C10orf90: variants seen among roughly 807,000 people sequenced by gnomAD.
The protein encoded by C10orf90 is (E2-independent) E3 ubiquitin-conjugating enzyme FATS.
Under a neutral mutation model 62.5 loss-of-function variants are expected in C10orf90, and 56 were observed. The observed-to-expected ratio is 0.90, with a 90% confidence interval of 0.72 to 1.12. C10orf90 has a LOEUF of 1.12. C10orf90 is among the 50% of genes most tolerant of loss of function. C10orf90 has a pLI of 0.00. For missense variants in C10orf90, 970 were observed against 880.4 expected (o/e 1.10, Z -1.29); for synonymous variants, 386 against 340.4 (o/e 1.13, Z -1.47).
Position 126,504,977 on chromosome 10 carries a change from C to T in C10orf90, c.514G>A (p.Ala172Thr), listed in dbSNP as rs777421950. The T allele has an allele frequency of 1.7e-5, 27 of 1,614,244 alleles. No homozygotes were observed. The highest frequency in any genetic ancestry group is 3.3e-4 in the Middle Eastern group (2 of 6,062). ...ENRASLPLPC[A>T]IAQSRAHHAK... Reference sequence around the variant, plus strand: ...TGATGTGCACGAGACTGAGCAATGGCACACGGTAGGGGCAAGGAGGCCCTG... The same window carrying T: ...TGATGTGCACGAGACTGAGCAATGGTACACGGTAGGGGCAAGGAGGCCCTG... Residue 172 changes from alanine (A) to threonine (T), a missense_variant, in exon 4 of 10, where the codon GCC (alanine) becomes ACC (threonine). By Grantham distance (58) the Ala-to-Thr change is moderately conservative. Transcript: ENST00000488181. This position sits in a 1 kb window ranked among gnomAD's most constrained non-coding sequence, Gnocchi z 4.1.
chr10:126,496,797 G>T, intron 4 of C10orf90: 2 of 798,310 alleles, frequency 2.5e-6, no homozygotes, highest in Non-Finnish European at 3.0e-6. Flanking sequence ...GGCTTTGTTG[G>T]GTCATCAACG....
intron 2 of C10orf90, among the ~76,000 whole-genome samples, chr10:126,612,039 G>A (rs766674494): frequency 4.6e-5 from 7 of 152,112 alleles, no homozygotes; most frequent in Admixed American, 2.6e-4. Flanking sequence ...CTCAAGAGTC[G>A]GCCAGACGCT....
At chr10:126,508,733 C>A (rs1291037720) in intron 3 of C10orf90, among the ~76,000 whole-genome samples, 1 of 152,156 alleles carries the variant, frequency 6.6e-6, no homozygotes, top group Non-Finnish European at 1.5e-5. Flanking sequence ...CCTTTGGCTG[C>A]CACAGCTGCT....
At position 126,476,484 on chromosome 10, in the gene C10orf90, C is replaced by G. The variant is rs150248700; in HGVS notation, c.1535-11498G>C. Among the ~76,000 whole-genome samples the G allele has an allele frequency of 3.0e-3, 462 of 152,282 alleles. 2 individuals are homozygous for G. Among genetic ancestry groups the G allele is most frequent in the Non-Finnish European group, 4.8e-3 (328 of 68,022 alleles). On this transcript the variant is annotated intron_variant, in intron 4 of 9. Transcript: ENST00000488181. ...CAAAGGAGCCCGCGTCAGTGCAGGC[C>G]AGGCCGCAGGCAGGATGCAAGGAAG...
Position 126,627,000 on chromosome 10 carries a change from C to CTTTTTTT in C10orf90, c.313+19558_313+19564dup, listed in dbSNP as rs61226052. Among the ~76,000 whole-genome samples the CTTTTTTT allele has an allele frequency of 4.2e-4, 50 of 119,490 alleles. 4 individuals carry two copies. Among genetic ancestry groups the CTTTTTTT allele is most frequent in the African/African-American group, 9.1e-4 (29 of 31,864 alleles). The allele number at this position is 119,490 out of a possible 152,430, so 78.4% of individuals were successfully genotyped here. Reference sequence around the variant, plus strand: ...AGATTTTTCTTTTTCTTTTTCTTTTCTTTTTTTTTTTTTTTTTGAGACGTA... The same window carrying CTTTTTTT: ...AGATTTTTCTTTTTCTTTTTCTTTTCTTTTTTTTTTTTTTTTTTTTTTTTGAGACGTA... On this transcript the variant is annotated intron_variant, in intron 2 of 9. Transcript: ENST00000488181.
chr10:126,564,527 C>G (rs1264564370), intron 2 of C10orf90, among the ~76,000 whole-genome samples: 5 of 151,608 alleles, frequency 3.3e-5, no homozygotes, highest in Admixed American at 6.6e-5. Context: ...TCCTGGCGCC[C>G]ACCCAGTGTG....
At chr10:126,476,422 C>A (rs1279559312) in intron 4 of C10orf90, among the ~76,000 whole-genome samples, 2 of 152,292 alleles carry the variant, frequency 1.3e-5, no homozygotes, top group Middle Eastern at 6.8e-3. Context: ...GAAGCACATG[C>A]CACATGAAAA....
At chr10:126,593,267 CA>C (rs1845017607) in intron 2 of C10orf90, among the ~76,000 whole-genome samples, 1 of 152,106 alleles carries the variant, frequency 6.6e-6, no homozygotes, top group Non-Finnish European at 1.5e-5. Flanking sequence ...TCCACAATAG[CA>C]AAGACATGCA....
At chr10:126,563,090 G>A (rs72839030) in intron 2 of C10orf90, among the ~76,000 whole-genome samples, 18,452 of 152,266 alleles carry the variant, frequency 0.12, 1,315 homozygotes, top group Non-Finnish European at 0.17. Flanking sequence ...CACAGAAAGT[G>A]GCAAATGCTA....
At chr10:126,644,708 T>C (rs781190109) in intron 2 of C10orf90, among the ~76,000 whole-genome samples, 3 of 152,194 alleles carry the variant, frequency 2.0e-5, no homozygotes, top group Non-Finnish European at 2.9e-5. Flanking sequence ...GCATCCACTG[T>C]GGAAGTGCCC....
rs534823298 is a variant in C10orf90, at chr10:126,481,006, C to T, written c.1535-16020G>A. On this transcript the variant is annotated intron_variant, in intron 4 of 9. Transcript: ENST00000488181. ...ATGAGCCCAGGTGTCCCCTCTCTGC[C>T]CCTCTGCTCTGCAGTCCCACTGGTC... Among the ~76,000 whole-genome samples the T allele has an allele frequency of 2.7e-5, 3 of 110,538 alleles. No homozygotes were observed. The East Asian group carries it at 6.9e-4, about 25-fold the overall frequency. The allele number at this position is 110,538 out of a possible 152,430, so 72.5% of individuals were successfully genotyped here.
chr10:126,493,844 T>C (rs1861893468), intron 4 of C10orf90, among the ~76,000 whole-genome samples: 1 of 152,226 alleles, frequency 6.6e-6, no homozygotes, highest in South Asian at 2.1e-4. Flanking sequence ...CATGAGGGTT[T>C]TGACAGTGAA....
At chr10:126,607,038 G>A (rs1467692609) in intron 2 of C10orf90, among the ~76,000 whole-genome samples, 1 of 152,180 alleles carries the variant, frequency 6.6e-6, no homozygotes, top group African/African-American at 2.4e-5. Context: ...ATCAAGTTGT[G>A]ATTTGCCTTT....
chr10:126,507,646 G>T (rs1168809166), intron 3 of C10orf90, among the ~76,000 whole-genome samples: 1 of 152,106 alleles, frequency 6.6e-6, no homozygotes. Context: ...AGTCCTGCCA[G>T]GTGGGGCTTC....
intron 4 of C10orf90, among the ~76,000 whole-genome samples, chr10:126,470,749 CAAA>C (rs201564373): frequency 1.2e-5 from 1 of 82,416 alleles, no homozygotes; most frequent in Non-Finnish European, 2.5e-5. Flanking sequence ...GACTCTGTCT[CAAA>C]AAAAAAAAAA....
At chr10:126,648,041 G>C (rs1265959224) in intron 1 of C10orf90, among the ~76,000 whole-genome samples, 2 of 152,200 alleles carry the variant, frequency 1.3e-5, no homozygotes, top group African/African-American at 4.8e-5. Flanking sequence ...ACAGTGTTGA[G>C]GGTGGGGCCT....
chr10:126,567,195 C>G (rs571443925), intron 2 of C10orf90, among the ~76,000 whole-genome samples: 12 of 152,298 alleles, frequency 7.9e-5, no homozygotes, highest in African/African-American at 2.9e-4. Flanking sequence ...AGAGGTTTAA[C>G]TGGCTCACGG....
At position 126,642,766 on chromosome 10, in the gene C10orf90, T is replaced by C. The variant is rs368176091; in HGVS notation, c.313+3799A>G. ...CTGTCTCTTGATCTCTATGCCACAC[T>C]GCCAGCTGCTTCGCGAGCATCTGGA... On this transcript the variant is annotated intron_variant, in intron 2 of 9. Coordinates refer to ENST00000488181, the MANE Select transcript of C10orf90 (RefSeq NM_001350921.2). Among the ~76,000 whole-genome samples, 18 of 152,266 alleles carry C rather than the reference T, an allele frequency of 1.2e-4. 1 individual carries two copies. In the South Asian group the frequency reaches 3.1e-3, roughly 26 times the overall value.
At chr10:126,662,514 A>G (rs1202527163) in intron 1 of C10orf90, among the ~76,000 whole-genome samples, 1 of 152,158 alleles carries the variant, frequency 6.6e-6, no homozygotes, top group Non-Finnish European at 1.5e-5. Flanking sequence ...TGCCTTGCAA[A>G]TAACAGTCAC....
Sources: allele counts gnomAD v4.1 joint callset (sites outside exome capture counted in the v4.1 genomes callset), GRCh38; gene constraint gnomAD v4.1.1; non-coding constraint Gnocchi (gnomAD v3.1); transcripts MANE v1.5; gene names NCBI Gene and HGNC (gene_info 2026-07-23, HGNC 2026-07-21).